Variants in MYO3A observed in about 807,000 individuals in gnomAD.
MYO3A encodes myosin IIIA, also known as myosin-IIIa.
Under a neutral mutation model 192.7 loss-of-function variants are expected in MYO3A, and 180 were observed. That is an observed-to-expected ratio of 0.93 (90% CI 0.83 to 1.06). MYO3A has a LOEUF of 1.06. Ranked by LOEUF, MYO3A falls within the 50% of genes least tolerant of loss-of-function variation. The pLI is 0.00. For synonymous variants in MYO3A, 628 were observed against 645.3 expected, an observed-to-expected ratio of 0.97 and a Z score of 0.41; for missense variants, 1,896 against 1,905.0, an observed-to-expected ratio of 1.00 and a Z score of 0.09.
intron 2 of MYO3A, among the ~76,000 whole-genome samples, chr10:25,938,923 C>T (rs1446674705): frequency 1.3e-5 from 2 of 152,124 alleles, no homozygotes. Context: ...TAGCCTCTTT[C>T]ACCAATAGAT....
intron 17 of MYO3A, among the ~76,000 whole-genome samples, chr10:26,116,441 C>G (rs1838509865): frequency 6.6e-6 from 1 of 152,104 alleles, no homozygotes; most frequent in Non-Finnish European, 1.5e-5. Flanking sequence ...CCACTGTACT[C>G]CAGTATGACC....
At chr10:26,053,404 T>C (rs1422261726) in intron 10 of MYO3A, among the ~76,000 whole-genome samples, 1 of 147,962 alleles carries the variant, frequency 6.8e-6, no homozygotes, top group East Asian at 1.9e-4. Flanking sequence ...GTACAGGGTA[T>C]GTCAGTCAGT....
Position 26,081,133 on chromosome 10 carries a change from T to TCC in MYO3A, c.1360-7059_1360-7058dup, listed in dbSNP as rs60099269. On this transcript the variant is annotated intron_variant, in intron 14 of 34. Transcript: ENST00000642920. The stretch of plus-strand genomic sequence containing the variant: ...TAGAATTCCCAAGATTATATGCCCT[T>TCC]CCCCCCCCCCCCGCCCCCGCTACCA... Among the ~76,000 whole-genome samples the TCC allele has an allele frequency of 8.5e-3, 721 of 84,894 alleles. 33 individuals are homozygous for TCC. Among genetic ancestry groups the TCC allele is most frequent in the South Asian group, 0.025 (46 of 1,824 alleles). 55.7% of individuals were successfully genotyped at this position (84,894 alleles called of 152,430 possible).
intron 23 of MYO3A, 86 bp from the exon 24 acceptor site, chr10:26,153,764 T>C (rs988393004): frequency 1.1e-6 from 1 of 887,328 alleles, no homozygotes. Context: ...TTAACAATGC[T>C]TATTTTAACA....
At chr10:26,055,801 A>T (rs1844279752) in intron 10 of MYO3A, among the ~76,000 whole-genome samples, 1 of 152,196 alleles carries the variant, frequency 6.6e-6, no homozygotes, top group Non-Finnish European at 1.5e-5. Context: ...ATCACAGTTG[A>T]AAGTCACTGT....
At chr10:26,160,853 TA>T (rs1841452194) in intron 26 of MYO3A, among the ~76,000 whole-genome samples, 1 of 152,118 alleles carries the variant, frequency 6.6e-6, no homozygotes, top group African/African-American at 2.4e-5. Context: ...GTGTTAAAAT[TA>T]TGAAGAGAGC....
At chr10:25,984,558 C>T (rs1839530929) in intron 4 of MYO3A, among the ~76,000 whole-genome samples, 1 of 152,144 alleles carries the variant, frequency 6.6e-6, no homozygotes. Context: ...TTCCAAGCCC[C>T]CCTCCCTTGT....
intron 31 of MYO3A, among the ~76,000 whole-genome samples, chr10:26,188,443 G>A (rs985090694): frequency 5.9e-5 from 9 of 152,066 alleles, no homozygotes; most frequent in Non-Finnish European, 1.2e-4. Context: ...TCTGTAGGTT[G>A]CCTATTCACT....
Position 25,954,996 on chromosome 10 carries a change from G to C in MYO3A, c.291G>C (p.Trp97Cys). Reference protein sequence around the residue: ...KKDKVNGDKLWLVLELCSGGS... With the variant: ...KKDKVNGDKLCLVLELCSGGS... The stretch of plus-strand genomic sequence containing the variant: ...ATAAAGTAAATGGAGACAAGCTGTG[G>C]TTGGTTCTTGAGGTAAGTGTGTCAG... The change falls in exon 4 of 35, where the codon TGG (tryptophan) becomes TGC (cysteine). Residue 97 changes from tryptophan (W) to cysteine (C), a missense_variant. Transcript: ENST00000642920. 1.2e-6 allele frequency: 2 copies of C among 1,612,966 alleles called. 1 individual carries two copies.
chr10:26,069,229 GT>G (rs11289890), intron 12 of MYO3A, among the ~76,000 whole-genome samples: 71,754 of 151,480 alleles, frequency 0.47, 17,736 homozygotes, highest in Middle Eastern at 0.58. Flanking sequence ...GCTGAACTGA[GT>G]ATGGGAGCGT....
intron 6 of MYO3A, among the ~76,000 whole-genome samples, chr10:26,014,998 A>G (rs1180072027): frequency 6.6e-6 from 1 of 152,168 alleles, no homozygotes; most frequent in Non-Finnish European, 1.5e-5. Context: ...ATCCCTAGAA[A>G]TAGCACTTAT....
rs374555755 is a variant in MYO3A at position 26,026,412 on chromosome 10, T to C, written c.833T>C (p.Val278Ala). 2 of 1,614,024 alleles carry C rather than the reference T, an allele frequency of 1.2e-6. No homozygotes were observed. Among genetic ancestry groups the C allele is most frequent in the African/African-American group, 2.7e-5 (2 of 74,942 alleles). The change falls in exon 10 of 35, where the codon GTG becomes GCG. Residue 278 changes from valine (V) to alanine (A), a missense_variant. Coordinates refer to ENST00000642920, the MANE Select transcript of MYO3A (RefSeq NM_017433.5). The stretch of plus-strand genomic sequence containing the variant: ...AAAGATTATGAAAAGCGTCCAACAG[T>C]GTCAGAACTTTTACAGCATAAATTC... ...LTKDYEKRPT[V>A]SELLQHKFIT...
chr10:26,048,262 GA>G lies in MYO3A; in HGVS notation c.954-18706del, dbSNP rs1387009470. On this transcript the variant is annotated intron_variant, in intron 10 of 34. Transcript: ENST00000642920. ...TTTCCCATTTACTTCTCTAATCTCT[GA>G]AAAAAAGTATTATATTTAACAGAAT... Among the ~76,000 whole-genome samples, 38 of 151,264 alleles carry G rather than the reference GA, an allele frequency of 2.5e-4. 1 individual carries two copies. The highest frequency in any genetic ancestry group is 2.2e-4 in the African/African-American group (9 of 41,180).
At chr10:26,095,850 G>C (rs548733808) in intron 15 of MYO3A, among the ~76,000 whole-genome samples, 112 of 152,280 alleles carry the variant, frequency 7.4e-4, no homozygotes, top group Non-Finnish European at 1.1e-3. Flanking sequence ...AAAGGCGTGG[G>C]CTTTGGGGTC....
intron 17 of MYO3A, among the ~76,000 whole-genome samples, chr10:26,118,946 T>C (rs1838684025): frequency 6.6e-6 from 1 of 152,144 alleles, no homozygotes; most frequent in Non-Finnish European, 1.5e-5. Context: ...GCTCTTTCTG[T>C]TGGCCCAGGG....
At chr10:26,109,239 C>T (rs1838011479) in intron 17 of MYO3A, among the ~76,000 whole-genome samples, 2 of 152,324 alleles carry the variant, frequency 1.3e-5, no homozygotes, top group South Asian at 4.1e-4. Flanking sequence ...TTAGACTTAA[C>T]TGACAAATCA....
chr10:26,016,681 C>G (rs1196073105), intron 6 of MYO3A, 139 bp from the exon 7 acceptor site: 8 of 795,470 alleles, frequency 1.0e-5, no homozygotes, highest in Non-Finnish European at 1.7e-5. Flanking sequence ...GATTTAGGAT[C>G]CTTTAATGTG....
chr10:26,072,062 A>G (rs1254130590), intron 14 of MYO3A, among the ~76,000 whole-genome samples: 2 of 123,030 alleles, frequency 1.6e-5, no homozygotes, highest in African/African-American at 5.9e-5. Flanking sequence ...TGGCAGCAGG[A>G]GAGAGAACAG....
At chr10:26,164,687 G>A (rs1841646408) in intron 26 of MYO3A, among the ~76,000 whole-genome samples, 1 of 152,170 alleles carries the variant, frequency 6.6e-6, no homozygotes. Flanking sequence ...TTCTCTGGCT[G>A]TGCTCTGAAG....
Sources: allele counts gnomAD v4.1 joint callset (sites outside exome capture counted in the v4.1 genomes callset), GRCh38; gene constraint gnomAD v4.1.1; transcripts MANE v1.5; gene names NCBI Gene and HGNC (gene_info 2026-07-23, HGNC 2026-07-21).